ZFP64: variants seen among roughly 807,000 people sequenced by gnomAD.
ZFP64 encodes the protein ZFP64 zinc finger protein, also known as zinc finger protein 64.
In ZFP64, 14 loss-of-function variants were observed where a neutral mutation model predicts 51.6. The observed-to-expected ratio is 0.27, with a 90% CI of 0.18 to 0.42. The LOEUF (loss-of-function observed/expected upper bound fraction) is 0.42. Among genes scored for constraint, ZFP64 ranks in the 10% least tolerant of loss-of-function variants. The probability of loss-of-function intolerance (pLI) is 1.00; values close to 1 mark genes in which losing one functional copy is unlikely to be tolerated. For synonymous variants in ZFP64, 375 were observed against 361.4 expected, an observed-to-expected ratio of 1.04 and a Z score of -0.43; for missense variants, 754 against 906.8, an observed-to-expected ratio of 0.83 and a Z score of 2.16.
rs1984024617 is a variant in ZFP64 at position 52,187,062 on chromosome 20, C to A, written c.56G>T (p.Gly19Val). The stretch of plus-strand genomic sequence containing the variant: ...AGTCAGCTCCACCAGCACCGTTGTG[C>A]CACCTGGAACTCCATGGGACAAAGG... ...SFAGSVQIPG[G>V]TTVLVELTPD... The change falls in exon 2 of 6, where the codon GGC becomes GTC. Residue 19 changes from glycine (G) to valine (V), a missense_variant. By Grantham distance (109) the Gly-to-Val change is moderately radical. Coordinates refer to ENST00000216923, the MANE Select transcript of ZFP64 (RefSeq NM_018197.3). 6.2e-7 allele frequency: 1 copy of A among 1,605,794 alleles called. No individual in the cohort carries two copies. The highest frequency in any genetic ancestry group is 1.3e-5 in the African/African-American group (1 of 74,918).
chr20:52,181,695 G>A (rs549568043), intron 2 of ZFP64, among the ~76,000 whole-genome samples: 3 of 152,260 alleles, frequency 2.0e-5, no homozygotes, highest in Admixed American at 2.0e-4. Context: ...CTGAGATCCG[G>A]AATCCCCCAG....
chr20:52,097,714 C>T (rs1246982060), intron 6 of ZFP64, among the ~76,000 whole-genome samples: 1 of 152,116 alleles, frequency 6.6e-6, no homozygotes, highest in African/African-American at 2.4e-5. Flanking sequence ...CCCGCCCCGG[C>T]TTCCCAAAGT....
intron 2 of ZFP64, among the ~76,000 whole-genome samples, chr20:52,185,553 T>A (rs1411434738): frequency 9.5e-6 from 1 of 104,918 alleles, no homozygotes; most frequent in Non-Finnish European, 1.9e-5. Context: ...CCCCTGTAAA[T>A]CATCCACTGA....
intron 6 of ZFP64, among the ~76,000 whole-genome samples, chr20:52,098,270 C>G (rs1209753427): frequency 6.6e-6 from 1 of 151,830 alleles, no homozygotes; most frequent in Non-Finnish European, 1.5e-5. Flanking sequence ...GCTCTGGATG[C>G]TACAGGCCTC....
intron 5 of ZFP64, among the ~76,000 whole-genome samples, chr20:52,109,107 T>C (rs1429354926): frequency 6.6e-6 from 1 of 152,084 alleles, no homozygotes; most frequent in Non-Finnish European, 1.5e-5. Context: ...ATATTGTACC[T>C]GGAACAAATG....
intron 2 of ZFP64, 136 bp downstream of exon 2, chr20:52,186,696 T>C: frequency 7.9e-7 from 1 of 1,262,880 alleles, no homozygotes; most frequent in Non-Finnish European, 1.1e-6. Context: ...GGCTTCCTGG[T>C]GGAGCTTGTT....
At chr20:52,133,566 G>A (rs937141445) in intron 5 of ZFP64, among the ~76,000 whole-genome samples, 1 of 152,156 alleles carries the variant, frequency 6.6e-6, no homozygotes, top group Non-Finnish European at 1.5e-5. Context: ...TACGCCAACA[G>A]TGAACAATCT....
chr20:52,134,028 CAAAA>C (rs59218544), intron 5 of ZFP64, among the ~76,000 whole-genome samples: 6,753 of 97,544 alleles, frequency 0.069, 222 homozygotes, highest in Middle Eastern at 0.12. Context: ...GATCCTGTCT[CAAAA>C]AAAAAAAAAA....
intron 5 of ZFP64, among the ~76,000 whole-genome samples, chr20:52,156,905 T>C (rs935594842): frequency 1.3e-5 from 2 of 152,172 alleles, no homozygotes; most frequent in African/African-American, 2.4e-5. Context: ...TTTTATAAGC[T>C]GCATATGATA....
intron 5 of ZFP64, among the ~76,000 whole-genome samples, chr20:52,129,861 G>A (rs778141708): frequency 3.3e-5 from 5 of 152,158 alleles, no homozygotes; most frequent in African/African-American, 4.8e-5. Context: ...GGTATGCCCC[G>A]GGGCAATTCA....
At chr20:52,159,225 A>C (rs536615617) in intron 5 of ZFP64, among the ~76,000 whole-genome samples, 1 of 152,352 alleles carries the variant, frequency 6.6e-6, no homozygotes, top group South Asian at 2.1e-4. Flanking sequence ...GCATGACTGA[A>C]TCATTATCTA....
chr20:52,084,629 G>A, exon 9 of ZFP64: 2 of 1,614,234 alleles, frequency 1.2e-6, no homozygotes, highest in South Asian at 1.1e-5. Flanking sequence ...GCTGTCCCGA[G>A]GCACCGCTTT....
chr20:52,110,168 G>A (rs1255222671), intron 5 of ZFP64, among the ~76,000 whole-genome samples: 1 of 152,100 alleles, frequency 6.6e-6, no homozygotes, highest in East Asian at 1.9e-4. Context: ...ACCAGCTAGA[G>A]ACATCCCAAG....
chr20:52,151,645 G>T lies in ZFP64; in HGVS notation c.*501C>A, dbSNP rs761194511. 1.0e-6 allele frequency: 1 copy of T among 988,772 alleles called. No homozygotes were observed. Among genetic ancestry groups the T allele is most frequent in the Non-Finnish European group, 1.2e-6 (1 of 831,894 alleles). The allele number at this position is 988,772 out of a possible 1,614,324, so 61.2% of individuals were successfully genotyped here. ...GATTCTACAACAGTTATAATGCGAC[G>T]ATTCAGAGGTGGTCTCAAAGTTGTT... On this transcript the variant is annotated 3_prime_UTR_variant, in exon 6 of 6. Coordinates refer to ENST00000216923, the MANE Select transcript of ZFP64 (RefSeq NM_018197.3).
chr20:52,180,547 CAAAAAAAAA>C (rs10669415), intron 2 of ZFP64, among the ~76,000 whole-genome samples: 25 of 87,184 alleles, frequency 2.9e-4, no homozygotes, highest in African/African-American at 1.1e-3. Flanking sequence ...CCAGAAATGG[CAAAAAAAAA>C]AAAAAAAAAA....
At chr20:52,129,383 T>G (rs900045764) in intron 5 of ZFP64, among the ~76,000 whole-genome samples, 1 of 151,946 alleles carries the variant, frequency 6.6e-6, no homozygotes, top group African/African-American at 2.4e-5. Context: ...GTCTCTTAAC[T>G]CCTGAGCTCA....
At chr20:52,190,620 AG>A (rs1483703104) in intron 1 of ZFP64, among the ~76,000 whole-genome samples, 17 of 152,064 alleles carry the variant, frequency 1.1e-4, no homozygotes, top group African/African-American at 4.1e-4. Flanking sequence ...GACATATCTG[AG>A]CCCCACCTAG....
At chr20:52,118,268 G>A (rs1224722546) in intron 5 of ZFP64, among the ~76,000 whole-genome samples, 2 of 151,436 alleles carry the variant, frequency 1.3e-5, no homozygotes, top group Non-Finnish European at 1.5e-5. Flanking sequence ...ATTTGGTGGA[G>A]GAGGATTCTG....
intron 5 of ZFP64, among the ~76,000 whole-genome samples, chr20:52,135,747 C>T (rs918825791): frequency 1.3e-5 from 2 of 152,174 alleles, no homozygotes; most frequent in African/African-American, 4.8e-5. Flanking sequence ...CCTCAGCCTC[C>T]CAGAGTGCTG....
Sources: gnomAD v4.1 joint callset for allele counts (sites outside exome capture counted in the v4.1 genomes callset) on GRCh38, gnomAD v4.1.1 for gene constraint, MANE v1.5 for transcripts, NCBI Gene and HGNC (gene_info 2026-07-23, HGNC 2026-07-21) for gene names.